Variants in FOXN2 observed in about 807,000 individuals in gnomAD.
FOXN2 encodes forkhead box N2.
FOXN2 carries 19 observed loss-of-function variants against 41.2 expected under a neutral mutation model. That is an observed-to-expected ratio of 0.46 (90% CI 0.32 to 0.68). The LOEUF (loss-of-function observed/expected upper bound fraction) is 0.68, where lower values mean the gene tolerates loss of function less well. FOXN2 is among the 30% of genes least tolerant of loss of function. The pLI, the probability that FOXN2 is intolerant of heterozygous loss-of-function variation, is 0.03. For synonymous variants in FOXN2, 195 were observed against 176.8 expected, an observed-to-expected ratio of 1.10 and a Z score of -0.82; for missense variants, 587 against 509.4, an observed-to-expected ratio of 1.15 and a Z score of -1.47.
At chr2:48,339,748 A>G (rs1443387606) in intron 2 of FOXN2, among the ~76,000 whole-genome samples, 2 of 152,234 alleles carry the variant, frequency 1.3e-5, no homozygotes, top group Non-Finnish European at 2.9e-5. Context: ...AAATAATTCT[A>G]CTTCTTGACA....
intron 5 of FOXN2, 144 bp downstream of exon 5, chr2:48,362,851 A>G: frequency 1.5e-6 from 1 of 681,348 alleles, no homozygotes; most frequent in Non-Finnish European, 2.5e-6. Flanking sequence ...TTGTTGTAAC[A>G]TTGTGGCACA....
rs1671118400 is a variant in FOXN2 at position 48,346,603 on chromosome 2, A to G, written c.389A>G (p.Asn130Ser). ...TATATGGCCATTGAGCACTCTCCAA[A>G]TAAATGTTTGCCTGTCAAAGAAATT... ...LIYMAIEHSP[N>S]KCLPVKEIYS... Residue 130 changes from asparagine to serine, a missense_variant, in exon 3 of 7, where the codon AAT becomes AGT. Coordinates refer to ENST00000340553, the MANE Select transcript of FOXN2 (RefSeq NM_002158.4). 2 of 1,614,154 alleles carry G rather than the reference A, an allele frequency of 1.2e-6. No homozygotes were observed. Among genetic ancestry groups the G allele is most frequent in the Non-Finnish European group, 1.7e-6 (2 of 1,180,008 alleles).
intron 4 of FOXN2, among the ~76,000 whole-genome samples, chr2:48,361,082 C>G (rs1672144164): frequency 6.6e-6 from 1 of 151,186 alleles, no homozygotes; most frequent in African/African-American, 2.4e-5. Flanking sequence ...ATATATTTTG[C>G]TGTCTTTGAT....
At chr2:48,357,862 GAAAAAA>G (rs200738115) in intron 3 of FOXN2, among the ~76,000 whole-genome samples, 72 of 113,726 alleles carry the variant, frequency 6.3e-4, no homozygotes, top group African/African-American at 2.1e-3. Flanking sequence ...GTCTTTTATT[GAAAAAA>G]AAAAAAAAAA....
In FOXN2 at chr2:48,377,169, T is replaced by A. The variant is rs182878725; in HGVS notation, c.*1726T>A. On this transcript the variant is annotated 3_prime_UTR_variant, in exon 7 of 7. Coordinates refer to ENST00000340553, the MANE Select transcript of FOXN2 (RefSeq NM_002158.4). The stretch of plus-strand genomic sequence containing the variant: ...GGTGCTGTCAAAATATAGTAATTTT[T>A]AAATTTGTTAATAATGAAAACCCTT... 1 of 152,122 alleles carries A rather than the reference T, an allele frequency of 6.6e-6. No homozygotes were observed. The highest frequency in any genetic ancestry group is 2.4e-5 in the African/African-American group (1 of 41,564). 9.4% of individuals were successfully genotyped at this position (152,122 alleles called of 1,614,324 possible). A position where few individuals can be genotyped will look rare whatever the true frequency, so the allele number is the denominator to read the frequency against.
chr2:48,315,639 T>C (rs1207320721), intron 1 of FOXN2, among the ~76,000 whole-genome samples: 3 of 152,208 alleles, frequency 2.0e-5, no homozygotes, highest in African/African-American at 7.2e-5. Flanking sequence ...CAGCAGCCTG[T>C]GTGGAACCCG....
intron 3 of FOXN2, among the ~76,000 whole-genome samples, chr2:48,355,783 G>C (rs1671754456): frequency 6.6e-6 from 1 of 152,150 alleles, no homozygotes; most frequent in Non-Finnish European, 1.5e-5. Flanking sequence ...ATGATAGCCA[G>C]CTGATACAGC....
rs372089379 is a variant in FOXN2 at position 48,373,205 on chromosome 2, C to T, written c.704-87C>T. On this transcript the variant is annotated intron_variant, in intron 5 of 6. Coordinates refer to ENST00000340553, the MANE Select transcript of FOXN2 (RefSeq NM_002158.4). Reference sequence around the variant, plus strand: ...CTTAGAATATACACCAAAATTGTAACGCTGGTTATCTTCAGGGGCATGCAA... The same window carrying T: ...CTTAGAATATACACCAAAATTGTAATGCTGGTTATCTTCAGGGGCATGCAA... 3.1e-4 allele frequency: 270 copies of T among 880,376 alleles called. 1 individual carries two copies. The African/African-American group carries it at 3.8e-3, about 12-fold the overall frequency. 54.5% of individuals were successfully genotyped at this position (880,376 alleles called of 1,614,324 possible). A position where few individuals can be genotyped will look rare whatever the true frequency, so the allele number is the denominator to read the frequency against.
At chr2:48,324,632 GC>G (rs1327641167) in intron 1 of FOXN2, among the ~76,000 whole-genome samples, 4 of 152,132 alleles carry the variant, frequency 2.6e-5, no homozygotes, top group Non-Finnish European at 5.9e-5. Flanking sequence ...GCAAGTTAGA[GC>G]CAGGTTGTGC....
chr2:48,371,021 A>T (rs1242321818), intron 5 of FOXN2, among the ~76,000 whole-genome samples: 1 of 151,990 alleles, frequency 6.6e-6, no homozygotes, highest in African/African-American at 2.4e-5. Context: ...GTAGATATAT[A>T]TCCAATTTCT....
chr2:48,336,408 C>CAAAAAA (rs375315237), intron 2 of FOXN2, among the ~76,000 whole-genome samples: 1 of 118,052 alleles, frequency 8.5e-6, no homozygotes, highest in Middle Eastern at 4.2e-3. Context: ...CCTCAGTTTC[C>CAAAAAA]AAAAAAAAAA....
chr2:48,355,159 A>G (rs56806229), intron 3 of FOXN2, among the ~76,000 whole-genome samples: 4,840 of 152,314 alleles, frequency 0.032, 246 homozygotes, highest in African/African-American at 0.11. Flanking sequence ...CATATGTCCA[A>G]TAGTATGATT....
chr2:48,321,320 G>C (rs1258448855), intron 1 of FOXN2, among the ~76,000 whole-genome samples: 1 of 152,144 alleles, frequency 6.6e-6, no homozygotes, highest in Non-Finnish European at 1.5e-5. Flanking sequence ...CGGATCACGA[G>C]GTCAGGAGAT....
chr2:48,334,013 A>G (rs1009250781), intron 2 of FOXN2, among the ~76,000 whole-genome samples: 1 of 152,190 alleles, frequency 6.6e-6, no homozygotes, highest in African/African-American at 2.4e-5. Flanking sequence ...CATTGACTAC[A>G]TACAGTACCA....
intron 2 of FOXN2, among the ~76,000 whole-genome samples, chr2:48,333,692 C>A (rs1269058275): frequency 2.0e-5 from 3 of 152,128 alleles, no homozygotes; most frequent in Non-Finnish European, 4.4e-5. Flanking sequence ...AAGTCCATTT[C>A]CATGATTTAG....
intron 5 of FOXN2, among the ~76,000 whole-genome samples, chr2:48,368,500 AG>A: frequency 6.6e-6 from 1 of 152,070 alleles, no homozygotes; most frequent in Non-Finnish European, 1.5e-5. Context: ...CCCCATCTCT[AG>A]GGCAACATGG....
chr2:48,349,897 T>C lies in FOXN2; in HGVS notation c.537+3146T>C, dbSNP rs756290228. ...AAAAAGAAGCCACCCAAATTTTAAA[T>C]CAAATTATTAAAGACCAAATGTGAG... On this transcript the variant is annotated intron_variant, in intron 3 of 6. Transcript: ENST00000340553. 3.9e-5 allele frequency among the ~76,000 whole-genome samples: 6 copies of C among 152,266 alleles called. No individual in the cohort carries two copies. In the East Asian group the frequency reaches 9.7e-4, roughly 25 times the overall value.
chr2:48,328,472 T>G (rs1669822872), intron 1 of FOXN2, 89 bp from the exon 2 acceptor site: 2 of 152,208 alleles, frequency 1.3e-5, no homozygotes, highest in African/African-American at 4.8e-5. Flanking sequence ...CTGTATTGTT[T>G]AGGGAATAAC....
At chr2:48,352,227 C>T (rs867328464) in intron 3 of FOXN2, among the ~76,000 whole-genome samples, 1 of 152,190 alleles carries the variant, frequency 6.6e-6, no homozygotes, top group African/African-American at 2.4e-5. Flanking sequence ...TTAGTAGTAC[C>T]ATGCAAACAG....
Sources: allele counts gnomAD v4.1 joint callset (sites outside exome capture counted in the v4.1 genomes callset), GRCh38; gene constraint gnomAD v4.1.1; transcripts MANE v1.5; gene names NCBI Gene and HGNC (gene_info 2026-07-23, HGNC 2026-07-21).